The following KAT6A variants were observed in gnomAD, a reference collection of about 807,000 sequenced individuals.
KAT6A encodes lysine acetyltransferase 6A.
Under a neutral mutation model 198.4 loss-of-function variants are expected in KAT6A, and 9 were observed. The ratio of observed to expected loss-of-function variants is 0.05; its 90% CI spans 0.03 to 0.08. The LOEUF (loss-of-function observed/expected upper bound fraction) is 0.08. Among genes scored for constraint, KAT6A ranks in the 10% least tolerant of loss-of-function variants. KAT6A has a pLI of 1.00. For synonymous variants in KAT6A, 890 were observed against 883.0 expected (o/e 1.01, Z -0.14); for missense variants, 2,077 against 2,509.9 (o/e 0.83, Z 3.69).
intron 2 of KAT6A, among the ~76,000 whole-genome samples, chr8:41,991,358 A>G (rs1027443782): frequency 1.2e-4 from 18 of 152,244 alleles, no homozygotes; most frequent in South Asian, 2.1e-4. Context: ...ATCACAAACT[A>G]TATTGAAAGA....
rs865981598 is a variant in KAT6A at position 42,030,760 on chromosome 8, T to C, written c.600+17618A>G. 3.3e-5 allele frequency among the ~76,000 whole-genome samples: 5 copies of C among 152,012 alleles called. No individual in the cohort carries two copies. The Middle Eastern group carries it at 0.01, about 310-fold the overall frequency. ...TTTGTTGTTGTTGTTGTATTTTTAG[T>C]AGAGACAGGGTTTCACCATGTTGGT... On this transcript the variant is annotated intron_variant, in intron 2 of 16. Coordinates refer to ENST00000265713, the MANE Select transcript of KAT6A (RefSeq NM_006766.5).
intron 2 of KAT6A, among the ~76,000 whole-genome samples, chr8:42,007,664 T>C (rs915134467): frequency 4.6e-5 from 7 of 152,096 alleles, no homozygotes; most frequent in Non-Finnish European, 1.0e-4. Context: ...AGAAAGTTCA[T>C]TAAAATTTTT....
At chr8:42,043,333 T>C (rs1827758247) in intron 2 of KAT6A, among the ~76,000 whole-genome samples, 1 of 152,218 alleles carries the variant, frequency 6.6e-6, no homozygotes. Context: ...TATAATCCCA[T>C]GATTCAAGGA....
intron 2 of KAT6A, among the ~76,000 whole-genome samples, chr8:42,046,796 A>G (rs772933851): frequency 5.9e-5 from 9 of 152,222 alleles, no homozygotes; most frequent in African/African-American, 1.4e-4. Flanking sequence ...TTTTTAATAT[A>G]TACTTTTAAT....
chr8:41,984,915 A>G (rs1824530812), intron 3 of KAT6A, among the ~76,000 whole-genome samples: 1 of 151,544 alleles, frequency 6.6e-6, no homozygotes, highest in Non-Finnish European at 1.5e-5. Flanking sequence ...CCCGGGAGGC[A>G]GAGCTTGCAG....
chr8:42,042,286 A>G (rs1470975401), intron 2 of KAT6A, among the ~76,000 whole-genome samples: 1 of 151,868 alleles, frequency 6.6e-6, no homozygotes, highest in Non-Finnish European at 1.5e-5. Flanking sequence ...GTGAAACCCC[A>G]TCTCTACTAA....
chr8:42,011,759 A>G (rs1826027568), intron 2 of KAT6A, among the ~76,000 whole-genome samples: 1 of 152,010 alleles, frequency 6.6e-6, no homozygotes, highest in African/African-American at 2.4e-5. Context: ...AAAAAAGAAT[A>G]AGAAACTCAG....
At position 42,039,918 on chromosome 8, in the gene KAT6A, T is replaced by C. The variant is rs193272201; in HGVS notation, c.600+8460A>G. ...CTGGCTAATATTTTTTTTTTTTCTT[T>C]TGTATTTTTTAGTGGAGACGGGCTT... On this transcript the variant is annotated intron_variant, in intron 2 of 16. Transcript: ENST00000265713. Among the ~76,000 whole-genome samples, 620 of 151,724 alleles carry C rather than the reference T, an allele frequency of 4.1e-3. 13 individuals carry two copies. The highest frequency in any genetic ancestry group is 0.032 in the Admixed American group (491 of 15,224).
chr8:42,024,594 G>A lies in KAT6A; in HGVS notation c.600+23784C>T, dbSNP rs138509182. On this transcript the variant is annotated intron_variant, in intron 2 of 16. Transcript: ENST00000265713. ...CCTCTCTTCATCCACCCCACCCCTC[G>A]CCCATCTCAGACTTTGGTAACTATC... is the stretch of plus-strand genomic sequence containing the variant. Among the ~76,000 whole-genome samples the A allele has an allele frequency of 5.2e-3, 791 of 151,478 alleles. 7 individuals carry two copies. Among genetic ancestry groups the A allele is most frequent in the African/African-American group, 0.018 (750 of 41,254 alleles).
chr8:42,000,127 C>T (rs1413659604), intron 2 of KAT6A, among the ~76,000 whole-genome samples: 1 of 152,170 alleles, frequency 6.6e-6, no homozygotes, highest in Non-Finnish European at 1.5e-5. Flanking sequence ...TATGCAACTG[C>T]ATTAAGAGTT....
chr8:41,960,204 A>G (rs7001139), intron 8 of KAT6A, among the ~76,000 whole-genome samples: 105,080 of 151,846 alleles, frequency 0.69, 37,038 homozygotes, highest in African/African-American at 0.84. Flanking sequence ...TTTGCAAGAT[A>G]AAAAAGTTCT....
intron 2 of KAT6A, among the ~76,000 whole-genome samples, chr8:41,988,273 T>TC (rs1373793437): frequency 6.6e-6 from 1 of 152,172 alleles, no homozygotes; most frequent in Admixed American, 6.5e-5. Flanking sequence ...GCACATAGCT[T>TC]CTGCTATAAG....
intron 2 of KAT6A, among the ~76,000 whole-genome samples, chr8:42,027,241 T>C (rs942595525): frequency 6.6e-6 from 1 of 152,140 alleles, no homozygotes; most frequent in African/African-American, 2.4e-5. Flanking sequence ...GTAGTTTTCT[T>C]TTGTTGTTGT....
chr8:42,011,832 C>G (rs1826033028), intron 2 of KAT6A, among the ~76,000 whole-genome samples: 1 of 150,950 alleles, frequency 6.6e-6, no homozygotes, highest in Admixed American at 6.6e-5. Flanking sequence ...AAATATCTTC[C>G]CAATTCCCTG....
chr8:41,948,901 A>ACATCAT lies in KAT6A; in HGVS notation c.1740+315_1740+320dup, dbSNP rs34721456. On this transcript the variant is annotated intron_variant, in intron 10 of 16. Transcript: ENST00000265713. ...TAGAGAATCACAGAGCAGAGGTCAC[A>ACATCAT]CATCATCATCATCATCATCATCATC... 0.044 allele frequency among the ~76,000 whole-genome samples: 6,677 copies of ACATCAT among 151,172 alleles called. 263 individuals carry two copies. Among genetic ancestry groups the ACATCAT allele is most frequent in the South Asian group, 0.13 (618 of 4,774 alleles).
intron 11 of KAT6A, 94 bp from the exon 12 acceptor site, chr8:41,946,778 C>T: frequency 1.4e-6 from 1 of 720,386 alleles, no homozygotes; most frequent in Admixed American, 2.0e-5. Context: ...CCAAAACCCA[C>T]AGCCCTGGTC....
intron 11 of KAT6A, among the ~76,000 whole-genome samples, chr8:41,947,374 C>T (rs1564015484): frequency 6.6e-6 from 1 of 152,168 alleles, no homozygotes; most frequent in Non-Finnish European, 1.5e-5. Context: ...TATCCTTTAA[C>T]CAAAATGCCT....
chr8:42,010,116 C>T (rs748892757), intron 2 of KAT6A, among the ~76,000 whole-genome samples: 2 of 152,022 alleles, frequency 1.3e-5, no homozygotes, highest in Non-Finnish European at 2.9e-5. Context: ...ACCAGTCTGG[C>T]AAACATTGTG....
intron 2 of KAT6A, among the ~76,000 whole-genome samples, chr8:42,030,752 A>G (rs1373676489): frequency 6.6e-6 from 1 of 151,746 alleles, no homozygotes; most frequent in Non-Finnish European, 1.5e-5. Context: ...TTGTTGTTGT[A>G]TTTTTAGTAG....
Sources: allele counts gnomAD v4.1 joint callset (sites outside exome capture counted in the v4.1 genomes callset), GRCh38; gene constraint gnomAD v4.1.1; transcripts MANE v1.5; gene names NCBI Gene and HGNC (gene_info 2026-07-23, HGNC 2026-07-21).